The following PTPRD variants were observed in gnomAD, a reference collection of about 807,000 sequenced individuals.
PTPRD encodes protein tyrosine phosphatase receptor type D.
In PTPRD, 34 loss-of-function variants were observed where a neutral mutation model predicts 214.5. That is an observed-to-expected ratio of 0.16 (90% CI 0.12 to 0.21). The LOEUF is 0.21. PTPRD is among the 10% of genes least tolerant of loss of function. PTPRD has a pLI of 1.00. For missense variants in PTPRD, 2,545 were observed against 2,398.7 expected, an observed-to-expected ratio of 1.06 and a Z score of -1.27; for synonymous variants, 1,128 against 845.7, an observed-to-expected ratio of 1.33 and a Z score of -5.79.
chr9:9,595,277 TTA>T (rs1469553977), intron 7 of PTPRD, among the ~76,000 whole-genome samples: 1 of 37,644 alleles, frequency 2.7e-5, no homozygotes, highest in African/African-American at 1.0e-4. Flanking sequence ...ATGAAAAGGA[TTA>T]TATATATATT....
At chr9:8,691,917 A>G (rs1321339534) in intron 12 of PTPRD, among the ~76,000 whole-genome samples, 1 of 152,166 alleles carries the variant, frequency 6.6e-6, no homozygotes, top group Non-Finnish European at 1.5e-5. Context: ...CATTCAACTC[A>G]TAATCATGTT....
At chr9:8,498,098 A>G (rs957870412) in intron 25 of PTPRD, among the ~76,000 whole-genome samples, 2 of 152,166 alleles carry the variant, frequency 1.3e-5, no homozygotes, top group South Asian at 4.1e-4. Flanking sequence ...GCACTACTGC[A>G]TTTACAGAAG....
At chr9:9,686,152 AT>A (rs568048745) in intron 7 of PTPRD, among the ~76,000 whole-genome samples, 6 of 151,182 alleles carry the variant, frequency 4.0e-5, no homozygotes, top group South Asian at 2.1e-4. Flanking sequence ...TGTTGAAATA[AT>A]TTTTTTTAAT....
intron 12 of PTPRD, among the ~76,000 whole-genome samples, chr9:8,724,927 G>C (rs2098541539): frequency 6.6e-6 from 1 of 152,120 alleles, no homozygotes; most frequent in African/African-American, 2.4e-5. Context: ...AACAGAGTGA[G>C]ACCCTGTGTC....
intron 3 of PTPRD, among the ~76,000 whole-genome samples, chr9:10,270,679 A>G (rs2094366652): frequency 6.6e-6 from 1 of 152,178 alleles, no homozygotes; most frequent in South Asian, 2.1e-4. Flanking sequence ...AGCATAAAAA[A>G]TTGTGGTATT....
intron 11 of PTPRD, among the ~76,000 whole-genome samples, chr9:8,977,042 C>T (rs1330412560): frequency 6.6e-6 from 1 of 152,070 alleles, no homozygotes; most frequent in Non-Finnish European, 1.5e-5. Flanking sequence ...CCCAAACTTG[C>T]TTCTCCTGAG....
intron 44 of PTPRD, among the ~76,000 whole-genome samples, chr9:8,326,261 TG>T (rs1290166938): frequency 6.6e-6 from 1 of 152,186 alleles, no homozygotes; most frequent in East Asian, 1.9e-4. Flanking sequence ...CCTAGTTTTT[TG>T]AGAGTTGTTA....
intron 8 of PTPRD, among the ~76,000 whole-genome samples, chr9:9,496,297 T>C (rs568465409): frequency 8.6e-5 from 13 of 152,014 alleles, no homozygotes; most frequent in Non-Finnish European, 1.6e-4. Flanking sequence ...ACAAACCAGA[T>C]AATGAGAGAA....
At chr9:9,652,803 G>A (rs1387109039) in intron 7 of PTPRD, among the ~76,000 whole-genome samples, 1 of 151,560 alleles carries the variant, frequency 6.6e-6, no homozygotes, top group Non-Finnish European at 1.5e-5. Context: ...TAGTAGTGAT[G>A]GGGCTTCACC....
chr9:8,933,044 G>C (rs1251212740), intron 11 of PTPRD, among the ~76,000 whole-genome samples: 1 of 152,030 alleles, frequency 6.6e-6, no homozygotes, highest in South Asian at 2.1e-4. Context: ...GAAGACCATG[G>C]GAAAAGCATA....
chr9:9,827,250 C>G (rs1260355067), intron 5 of PTPRD, among the ~76,000 whole-genome samples: 1 of 151,910 alleles, frequency 6.6e-6, no homozygotes, highest in Non-Finnish European at 1.5e-5. Context: ...TACCTGACCT[C>G]AAACTATCCT....
At chr9:10,553,702 T>C (rs890979218) in intron 2 of PTPRD, among the ~76,000 whole-genome samples, 6 of 152,178 alleles carry the variant, frequency 3.9e-5, no homozygotes, top group Non-Finnish European at 7.4e-5. Context: ...TGTGAATATA[T>C]ATGTATACAC....
Position 9,435,801 on chromosome 9 carries a change from G to A in PTPRD, c.-236-38319C>T, listed in dbSNP as rs570449258. Among the ~76,000 whole-genome samples, 4 of 152,164 alleles carry A rather than the reference G, an allele frequency of 2.6e-5. 1 individual carries two copies. The highest frequency in any genetic ancestry group is 9.6e-5 in the African/African-American group (4 of 41,512). ...TGGATCCTTTATTAGAAACCTGTGG[G>A]ATATAATAAACTAACTTATCATTTA... On this transcript the variant is annotated intron_variant, in intron 8 of 45. Coordinates refer to ENST00000381196, the MANE Select transcript of PTPRD (RefSeq NM_002839.4).
chr9:8,914,350 C>T (rs1358597377), intron 11 of PTPRD, among the ~76,000 whole-genome samples: 1 of 152,054 alleles, frequency 6.6e-6, no homozygotes, highest in Non-Finnish European at 1.5e-5. Flanking sequence ...CAATATTACA[C>T]TTTGCCATTT....
intron 5 of PTPRD, among the ~76,000 whole-genome samples, chr9:9,804,957 A>T (rs2099063753): frequency 6.6e-6 from 1 of 152,126 alleles, no homozygotes. Context: ...AAATATATTT[A>T]AAATTTACTG....
At chr9:8,395,722 T>C (rs1355537898) in intron 36 of PTPRD, among the ~76,000 whole-genome samples, 3 of 152,062 alleles carry the variant, frequency 2.0e-5, no homozygotes, top group Admixed American at 6.6e-5. Context: ...TTCAGAGTAT[T>C]TGAACCCAAC....
chr9:10,063,845 A>C (rs368385045), intron 3 of PTPRD, among the ~76,000 whole-genome samples: 126 of 152,076 alleles, frequency 8.3e-4, no homozygotes, highest in African/African-American at 2.9e-3. Context: ...AAAAACAAAA[A>C]ACAAAAACAA....
chr9:8,657,815 T>C (rs770906795), intron 12 of PTPRD, among the ~76,000 whole-genome samples: 9 of 152,314 alleles, frequency 5.9e-5, no homozygotes, highest in Non-Finnish European at 1.2e-4. Flanking sequence ...AGGCACACAG[T>C]AGTCTCTCAC....
At chr9:9,220,811 A>G (rs560144327) in intron 9 of PTPRD, among the ~76,000 whole-genome samples, 21 of 152,204 alleles carry the variant, frequency 1.4e-4, no homozygotes, top group Admixed American at 1.4e-3. Flanking sequence ...GTATTTTTAT[A>G]ATTCAAAAGA....
Sources: gnomAD v4.1 joint callset for allele counts (sites outside exome capture counted in the v4.1 genomes callset) on GRCh38, gnomAD v4.1.1 for gene constraint, MANE v1.5 for transcripts, NCBI Gene and HGNC (gene_info 2026-07-23, HGNC 2026-07-21) for gene names.